MDN1: variants seen among roughly 807,000 people sequenced by gnomAD.
MDN1 encodes the protein midasin AAA ATPase 1.
Under a neutral mutation model 669.2 loss-of-function variants are expected in MDN1, and 266 were observed. That is an observed-to-expected ratio of 0.40 (90% CI 0.36 to 0.44). The LOEUF (loss-of-function observed/expected upper bound fraction) is 0.44, where lower values mean the gene tolerates loss of function less well. Ranked by LOEUF, MDN1 falls within the 20% of genes least tolerant of loss-of-function variation. MDN1 has a pLI of 1.00. For synonymous variants in MDN1, 2,385 were observed against 2,457.1 expected (o/e 0.97, Z 0.87); for missense variants, 5,940 against 6,754.0 (o/e 0.88, Z 4.22).
chr6:89,670,626 G>A (rs1464356989), intron 83 of MDN1, among the ~76,000 whole-genome samples: 1 of 152,186 alleles, frequency 6.6e-6, no homozygotes, highest in Non-Finnish European at 1.5e-5. Context: ...GGAAGGGAAG[G>A]GTGTTAACAG....
At chr6:89,746,608 AAAAAAAG>A (rs1389366417) in intron 27 of MDN1, among the ~76,000 whole-genome samples, 133 of 114,804 alleles carry the variant, frequency 1.2e-3, no homozygotes, top group Middle Eastern at 4.3e-3. Context: ...AAAAAAAAAA[AAAAAAAG>A]AAAGAAAGAA....
intron 33 of MDN1, among the ~76,000 whole-genome samples, chr6:89,737,723 A>AT (rs369806177): frequency 3.7e-4 from 48 of 128,900 alleles, no homozygotes; most frequent in Middle Eastern, 8.2e-3. Context: ...TCCCAGCCTA[A>AT]TTTTTTTTTT....
In MDN1 at chr6:89,785,369, C is replaced by A. The variant is rs192846402; in HGVS notation, c.1335-243G>T. Among the ~76,000 whole-genome samples the A allele has an allele frequency of 2.9e-3, 437 of 152,310 alleles. 1 individual carries two copies. Among genetic ancestry groups the A allele is most frequent in the African/African-American group, 0.01 (419 of 41,570 alleles). On this transcript the variant is annotated intron_variant, in intron 8 of 101. Transcript: ENST00000369393. The stretch of plus-strand genomic sequence containing the variant: ...GTGCTTTAACCAAATATTTTCAAAT[C>A]ACTGCAAATAATTCTACAAGGTAAA...
intron 36 of MDN1, 78 bp from the exon 37 acceptor site, chr6:89,728,033 T>G: frequency 2.7e-6 from 4 of 1,480,764 alleles, no homozygotes; most frequent in Non-Finnish European, 3.7e-6. Context: ...AAATCTGAAA[T>G]GATAAATACT....
At chr6:89,656,009 T>C (rs1584097932) in intron 91 of MDN1, 41 bp from the exon 92 acceptor site, 1 of 1,568,778 alleles carries the variant, frequency 6.4e-7, no homozygotes, top group Non-Finnish European at 8.7e-7. Context: ...TTGCCTGTCA[T>C]GACAAAAGGA....
At chr6:89,805,074 T>TAAGCA (rs1236160864) in intron 1 of MDN1, among the ~76,000 whole-genome samples, 2 of 143,422 alleles carry the variant, frequency 1.4e-5, no homozygotes, top group Non-Finnish European at 3.0e-5. Context: ...AGTGCCCGGG[T>TAAGCA]TCAGAATGCA....
chr6:89,819,644 C>G lies in MDN1; in HGVS notation c.-37G>C, dbSNP rs1401804499. 6.4e-7 allele frequency: 1 copy of G among 1,565,650 alleles called. No homozygotes were observed. The highest frequency in any genetic ancestry group is 8.7e-7 in the Non-Finnish European group (1 of 1,149,770). On this transcript the variant is annotated 5_prime_UTR_variant, in exon 1 of 102. Transcript: ENST00000369393. ...CTCACCCCGAGCGGCCACCTGCGCT[C>G]CCTACTTCGCGGCCAGCGTCCCCAA...
At chr6:89,735,682 C>G (rs1469386492) in intron 33 of MDN1, among the ~76,000 whole-genome samples, 1 of 152,042 alleles carries the variant, frequency 6.6e-6, no homozygotes, top group Non-Finnish European at 1.5e-5. Context: ...AATATAAGTA[C>G]TACAATTAGG....
Position 89,699,593 on chromosome 6 carries a change from A to AT in MDN1, c.8997+7dup. ...TAAAGGAGGCTTATGTCTTATTGTG[A>AT]TTTTTACCTTCTGATGATGCAGCAA... On this transcript the variant is annotated splice_region_variant and intron_variant, in intron 58 of 101. Transcript: ENST00000369393. The AT allele has an allele frequency of 4.3e-6, 7 of 1,610,466 alleles. No individual in the cohort carries two copies. The highest frequency in any genetic ancestry group is 5.1e-6 in the Non-Finnish European group (6 of 1,178,468).
chr6:89,813,969 T>C (rs879359187), intron 1 of MDN1, among the ~76,000 whole-genome samples: 1 of 150,006 alleles, frequency 6.7e-6, no homozygotes, highest in Non-Finnish European at 1.5e-5. Context: ...GGCATGCCTA[T>C]AGTTCCAGCT....
intron 59 of MDN1, among the ~76,000 whole-genome samples, chr6:89,697,938 T>C (rs1812880579): frequency 6.6e-6 from 1 of 152,086 alleles, no homozygotes; most frequent in African/African-American, 2.4e-5. Context: ...AGAGAAGAAC[T>C]AAAGGGGATC....
intron 71 of MDN1, 50 bp downstream of exon 71, chr6:89,684,826 T>A: frequency 8.4e-7 from 1 of 1,192,926 alleles, no homozygotes. Flanking sequence ...CGAAAGAGAA[T>A]TTGCTGATTT....
intron 2 of MDN1, among the ~76,000 whole-genome samples, chr6:89,796,636 G>A (rs1006568181): frequency 3.9e-5 from 6 of 152,184 alleles, no homozygotes; most frequent in Non-Finnish European, 7.3e-5. Context: ...TGATAATGGC[G>A]AGGCTATGGA....
rs748404697 is a variant in MDN1 at position 89,749,781 on chromosome 6, G to A, written c.3407-30C>T. 7 of 1,487,948 alleles carry A rather than the reference G, an allele frequency of 4.7e-6. No homozygotes were observed. In the South Asian group the frequency reaches 7.9e-5, roughly 17 times the overall value. The allele number at this position is 1,487,948 out of a possible 1,614,324, so 92.2% of individuals were successfully genotyped here. On this transcript the variant is annotated intron_variant, in intron 24 of 101. Transcript: ENST00000369393. ...GAAGAAACAAACAGCAAGAACTAGT[G>A]TATAAATCAGTACAAAGTTTTAAAA...
chr6:89,741,265 G>A (rs568279718), intron 31 of MDN1, among the ~76,000 whole-genome samples: 1 of 152,192 alleles, frequency 6.6e-6, no homozygotes, highest in African/African-American at 2.4e-5. Flanking sequence ...AAATTGTGAT[G>A]GTTGCAAAGC....
intron 99 of MDN1, 85 bp downstream of exon 99, chr6:89,647,947 T>C: frequency 1.9e-6 from 2 of 1,032,024 alleles, no homozygotes; most frequent in South Asian, 2.7e-5. Context: ...AACAAGGTCC[T>C]GTCTCAAAAA....
chr6:89,787,788 G>C lies in MDN1; in HGVS notation c.1334+66C>G, dbSNP rs538564136. 846 of 1,266,308 alleles carry C rather than the reference G, an allele frequency of 6.7e-4. 3 individuals are homozygous for C. The African/African-American group carries it at 0.012, about 17-fold the overall frequency. 78.4% of individuals were successfully genotyped at this position (1,266,308 alleles called of 1,614,324 possible). ...CAGAGAACTCTATTACAGGACCTCTGGCTCAGCATGCAGACTTACGAGTAA... is the reference window on the plus strand; with the variant it reads ...CAGAGAACTCTATTACAGGACCTCTCGCTCAGCATGCAGACTTACGAGTAA... On this transcript the variant is annotated intron_variant, in intron 8 of 101. Coordinates refer to ENST00000369393, the MANE Select transcript of MDN1 (RefSeq NM_014611.3).
chr6:89,771,478 T>C, intron 15 of MDN1, 83 bp downstream of exon 15: 1 of 1,204,550 alleles, frequency 8.3e-7, no homozygotes, highest in South Asian at 1.3e-5. Flanking sequence ...CTAGAACCTG[T>C]GGTTGTTAAC....
rs762618997 is a variant in MDN1, at chr6:89,650,787, G to A, written c.15976C>T (p.Arg5326Trp). 99 of 1,614,140 alleles carry A rather than the reference G, an allele frequency of 6.1e-5. No homozygotes were observed. In the East Asian group the frequency reaches 2.0e-3, roughly 32 times the overall value. Residue 5326 changes from arginine to tryptophan, a missense_variant, in exon 96 of 102, where the codon CGG becomes TGG. Arg to Trp is a moderately radical substitution (Grantham distance 101). This residue lies in a region of MDN1 where 2,280 missense variants were observed against 2,576.3 expected (regional missense o/e 0.88). Transcript: ENST00000369393. ...YLILTAPLSQRLCEELRLILE... is the reference protein window; with the variant it reads ...YLILTAPLSQWLCEELRLILE... ...ATGAGACGAAGCTCTTCACATAACC[G>A]TTGTGAAAGAGGCGCTGTTAAGATC... is the stretch of plus-strand genomic sequence containing the variant.
Sources: allele counts gnomAD v4.1 joint callset (sites outside exome capture counted in the v4.1 genomes callset), GRCh38; gene constraint gnomAD v4.1.1; regional missense constraint gnomAD v4.1.1; transcripts MANE v1.5; gene names NCBI Gene and HGNC (gene_info 2026-07-23, HGNC 2026-07-21).